Variants in QTMAN observed in about 807,000 individuals in gnomAD.
The protein encoded by QTMAN is queuosine-tRNA mannosyltransferase.
chr2:144,220,077 G>C, the QTMAN span, among the ~76,000 whole-genome samples: 1 of 152,156 alleles, frequency 6.6e-6, no homozygotes, highest in Non-Finnish European at 1.5e-5. Flanking sequence ...ACTGGACAGA[G>C]TCTAGAGATC....
At chr2:143,975,184 TTCTC>T in the QTMAN span, among the ~76,000 whole-genome samples, 822 of 152,300 alleles carry the variant, frequency 5.4e-3, 4 homozygotes, top group Middle Eastern at 0.017. Context: ...CCTATATCTG[TTCTC>T]TCTCTCTGTT....
At chr2:144,182,821 TA>T in the QTMAN span, among the ~76,000 whole-genome samples, 1 of 67,824 alleles carries the variant, frequency 1.5e-5, no homozygotes, top group African/African-American at 6.2e-5. Context: ...ATATATATTA[TA>T]TATATAATAT....
At chr2:144,085,142 G>T in the QTMAN span, among the ~76,000 whole-genome samples, 1 of 152,150 alleles carries the variant, frequency 6.6e-6, no homozygotes, top group Non-Finnish European at 1.5e-5. Flanking sequence ...TGAGTCAAAG[G>T]TTCTGTATTG....
the QTMAN span, among the ~76,000 whole-genome samples, chr2:144,274,717 C>T: frequency 6.6e-6 from 1 of 152,176 alleles, no homozygotes; most frequent in Non-Finnish European, 1.5e-5. Context: ...CTGTCTGTAC[C>T]TTTTGTAATA....
chr2:144,080,875 T>C, the QTMAN span, among the ~76,000 whole-genome samples: 1 of 152,172 alleles, frequency 6.6e-6, no homozygotes, highest in Non-Finnish European at 1.5e-5. Flanking sequence ...CTAAGCAGTA[T>C]CACCTCTTTT....
the QTMAN span, among the ~76,000 whole-genome samples, chr2:144,070,112 AC>A: frequency 6.6e-6 from 1 of 152,098 alleles, no homozygotes; most frequent in Non-Finnish European, 1.5e-5. Flanking sequence ...TAATTTTACC[AC>A]CCATATTTTG....
At chr2:144,067,081 C>T in the QTMAN span, among the ~76,000 whole-genome samples, 4 of 152,168 alleles carry the variant, frequency 2.6e-5, no homozygotes, top group Non-Finnish European at 5.9e-5. Context: ...TGGCTAGATG[C>T]TTTTACACTC....
At chr2:144,042,763 C>CAAA in the QTMAN span, among the ~76,000 whole-genome samples, 2 of 64,466 alleles carry the variant, frequency 3.1e-5, no homozygotes, top group South Asian at 1.0e-3. Context: ...GACTCTGTCT[C>CAAA]AAAAAAAAAA....
At chr2:144,030,911 G>C in the QTMAN span, among the ~76,000 whole-genome samples, 1 of 152,174 alleles carries the variant, frequency 6.6e-6, no homozygotes, top group Non-Finnish European at 1.5e-5. Flanking sequence ...TCATTTCTGT[G>C]AACGAAGCTG....
the QTMAN span, among the ~76,000 whole-genome samples, chr2:144,298,647 C>T: frequency 6.6e-6 from 1 of 152,228 alleles, no homozygotes; most frequent in Non-Finnish European, 1.5e-5. Flanking sequence ...TCCTCCTCAT[C>T]TCACCAAATT....
chr2:144,049,767 A>G, the QTMAN span, among the ~76,000 whole-genome samples: 1 of 152,218 alleles, frequency 6.6e-6, no homozygotes, highest in East Asian at 1.9e-4. Flanking sequence ...ACATAATGTC[A>G]GCAGCCTAAT....
the QTMAN span, among the ~76,000 whole-genome samples, chr2:144,112,707 C>T: frequency 6.6e-6 from 1 of 152,232 alleles, no homozygotes; most frequent in East Asian, 1.9e-4. Context: ...TCCACCCCCA[C>T]CAGTGCCAAA....
At chr2:144,332,134 C>G in the QTMAN span, among the ~76,000 whole-genome samples, 2 of 151,946 alleles carry the variant, frequency 1.3e-5, no homozygotes, top group Non-Finnish European at 2.9e-5. Context: ...ACCAAAAAAA[C>G]GCAATTCGAA....
the QTMAN span, among the ~76,000 whole-genome samples, chr2:144,270,487 C>A: frequency 6.6e-6 from 1 of 152,106 alleles, no homozygotes; most frequent in Non-Finnish European, 1.5e-5. Context: ...AAAAAGAATG[C>A]GTTAATGTCC....
chr2:144,304,736 T>C, the QTMAN span, among the ~76,000 whole-genome samples: 1 of 152,180 alleles, frequency 6.6e-6, no homozygotes, highest in Admixed American at 6.5e-5. Flanking sequence ...AATTTATTTC[T>C]AAATGTAACA....
chr2:144,204,194 T>C, the QTMAN span, among the ~76,000 whole-genome samples: 4 of 152,094 alleles, frequency 2.6e-5, no homozygotes, highest in African/African-American at 7.2e-5. Flanking sequence ...GAAATCACCA[T>C]CAGAGTGAAC....
At chr2:144,327,763 C>T in the QTMAN span, among the ~76,000 whole-genome samples, 2 of 152,036 alleles carry the variant, frequency 1.3e-5, no homozygotes, top group Non-Finnish European at 2.9e-5. Flanking sequence ...AGGTCCCAGC[C>T]CCCTAAAGGT....
At chr2:143,999,443 G>A in the QTMAN span, among the ~76,000 whole-genome samples, 1 of 151,886 alleles carries the variant, frequency 6.6e-6, no homozygotes, top group South Asian at 2.1e-4. Flanking sequence ...AAGTAGAAAG[G>A]AGTAGGCTAA....
chr2:144,177,924 T>G, the QTMAN span, among the ~76,000 whole-genome samples: 1 of 152,176 alleles, frequency 6.6e-6, no homozygotes, highest in Admixed American at 6.6e-5. Context: ...TCTTTTAAAT[T>G]TAGGATATAT....
Sources: gnomAD v4.1 joint callset for allele counts (sites outside exome capture counted in the v4.1 genomes callset) on GRCh38, gnomAD v4.1.1 for gene constraint, MANE v1.5 for transcripts, NCBI Gene and HGNC (gene_info 2026-07-23, HGNC 2026-07-21) for gene names.